Variants in KIAA1217 observed in about 807,000 individuals in gnomAD.
The protein encoded by KIAA1217 is sickle tail protein homolog.
A neutral mutation model predicts 163.9 loss-of-function variants in KIAA1217; 88 were observed. That is an observed-to-expected ratio of 0.54 (90% confidence interval 0.45 to 0.64). KIAA1217 has a LOEUF of 0.64. KIAA1217 is among the 30% of genes least tolerant of loss of function. The pLI is 0.00. For synonymous variants in KIAA1217, 903 were observed against 923.1 expected (o/e 0.98, Z 0.39); for missense variants, 2,372 against 2,475.0 (o/e 0.96, Z 0.88).
At chr10:24,066,608 A>T (rs567007376) in intron 2 of KIAA1217, among the ~76,000 whole-genome samples, 2 of 152,080 alleles carry the variant, frequency 1.3e-5, no homozygotes, top group African/African-American at 4.8e-5. Context: ...GGTGAATCTG[A>T]CAATTATGTG....
chr10:23,774,482 C>T (rs554032416), intron 1 of KIAA1217, among the ~76,000 whole-genome samples: 87 of 152,260 alleles, frequency 5.7e-4, no homozygotes, highest in African/African-American at 1.7e-3. Flanking sequence ...AGGGGCTTGG[C>T]GCCCTAGAAT....
At chr10:23,810,557 GTATATATAGTATAATCTATATATAA>G (rs1564441203) in intron 1 of KIAA1217, among the ~76,000 whole-genome samples, 3 of 127,424 alleles carry the variant, frequency 2.4e-5, no homozygotes, top group South Asian at 2.3e-4. Flanking sequence ...TCTATATATA[GTATATATAGTATAATCTATATATAA>G]TATATATAGT....
At chr10:23,968,374 A>C (rs1450406140) in intron 1 of KIAA1217, among the ~76,000 whole-genome samples, 3 of 152,186 alleles carry the variant, frequency 2.0e-5, no homozygotes, top group Non-Finnish European at 2.9e-5. Flanking sequence ...GTTATAGCTC[A>C]TTTCTTTTTC....
intron 1 of KIAA1217, among the ~76,000 whole-genome samples, chr10:23,793,950 GA>G (rs1836080750): frequency 6.6e-6 from 1 of 152,188 alleles, no homozygotes; most frequent in South Asian, 2.1e-4. Context: ...AAGGCATTTT[GA>G]CCATTAATGT....
At chr10:24,350,809 CGAGG>C (rs2048361332) in intron 2 of KIAA1217, among the ~76,000 whole-genome samples, 1 of 142,314 alleles carries the variant, frequency 7.0e-6, no homozygotes, top group Non-Finnish European at 1.5e-5. Flanking sequence ...ATACACAGTG[CGAGG>C]AAGTGGTGAG....
intron 2 of KIAA1217, among the ~76,000 whole-genome samples, chr10:24,274,643 A>G (rs2077090973): frequency 6.6e-6 from 1 of 152,140 alleles, no homozygotes; most frequent in Non-Finnish European, 1.5e-5. Flanking sequence ...TTATTAGTTA[A>G]TACTGAATTT....
intron 1 of KIAA1217, among the ~76,000 whole-genome samples, chr10:23,772,570 C>T (rs1834844578): frequency 6.6e-6 from 1 of 152,164 alleles, no homozygotes; most frequent in African/African-American, 2.4e-5. Flanking sequence ...ACTGTAATCA[C>T]TCACTCCCAG....
intron 1 of KIAA1217, among the ~76,000 whole-genome samples, chr10:23,775,554 C>G (rs535538221): frequency 4.9e-4 from 74 of 152,204 alleles, no homozygotes; most frequent in African/African-American, 1.7e-3. Context: ...TCCTCCGTCC[C>G]CAAGTCACAC....
intron 1 of KIAA1217, among the ~76,000 whole-genome samples, chr10:24,219,399 G>A (rs996025341): frequency 1.3e-5 from 2 of 152,148 alleles, no homozygotes; most frequent in African/African-American, 2.4e-5. Context: ...GGCAGGAGTC[G>A]CCATGCCCAA....
chr10:24,374,777 A>G lies in KIAA1217; in HGVS notation c.355-6092A>G, dbSNP rs147271758. On this transcript the variant is annotated intron_variant, in intron 2 of 20. Transcript: ENST00000376454. ...GCTAAGCCTTGCTGTTCTTTTTTTA[A>G]ATTTTGTATTCTTCTGTTATTTTTT... 2.8e-4 allele frequency among the ~76,000 whole-genome samples: 42 copies of G among 152,042 alleles called. 1 individual carries two copies. The East Asian group carries it at 7.6e-3, about 27-fold the overall frequency.
intron 2 of KIAA1217, among the ~76,000 whole-genome samples, chr10:24,304,326 G>A (rs2041754008): frequency 6.6e-6 from 1 of 150,576 alleles, no homozygotes; most frequent in Admixed American, 6.6e-5. Context: ...ATCTACTTGG[G>A]GCTTTATTTA....
intron 2 of KIAA1217, among the ~76,000 whole-genome samples, chr10:24,327,463 T>TC (rs1453830701): frequency 2.0e-5 from 3 of 152,286 alleles, no homozygotes; most frequent in African/African-American, 7.2e-5. Flanking sequence ...TATTAATGTC[T>TC]CTTCAATACT....
At chr10:24,010,970 A>T (rs1022884759) in intron 2 of KIAA1217, among the ~76,000 whole-genome samples, 1 of 152,180 alleles carries the variant, frequency 6.6e-6, no homozygotes, top group African/African-American at 2.4e-5. Context: ...TCCAACAGCT[A>T]TAAGTCCAAT....
At chr10:23,937,722 T>A (rs1205370690) in intron 1 of KIAA1217, among the ~76,000 whole-genome samples, 1 of 152,108 alleles carries the variant, frequency 6.6e-6, no homozygotes, top group Non-Finnish European at 1.5e-5. Flanking sequence ...CAGGCCAAAT[T>A]GGGATAACAG....
chr10:24,457,716 T>G (rs1315122772), intron 5 of KIAA1217, among the ~76,000 whole-genome samples: 1 of 152,160 alleles, frequency 6.6e-6, no homozygotes, highest in Non-Finnish European at 1.5e-5. Flanking sequence ...ATCATGAACT[T>G]TGAAAAGTGC....
chr10:23,857,145 C>A (rs1339825060), intron 1 of KIAA1217, among the ~76,000 whole-genome samples: 2 of 152,218 alleles, frequency 1.3e-5, no homozygotes. Context: ...TCCTATTCGG[C>A]CATCTTGGCG....
intron 10 of KIAA1217, among the ~76,000 whole-genome samples, chr10:24,517,187 A>G (rs2070325334): frequency 7.2e-6 from 1 of 138,872 alleles, no homozygotes; most frequent in South Asian, 2.3e-4. Context: ...AAAAAAAAAA[A>G]ACTAAAAATA....
intron 2 of KIAA1217, among the ~76,000 whole-genome samples, chr10:24,166,993 G>C (rs2065380771): frequency 6.6e-6 from 1 of 152,094 alleles, no homozygotes; most frequent in Non-Finnish European, 1.5e-5. Flanking sequence ...GCTTTGGAAA[G>C]GGATGGCAGC....
At chr10:23,998,156 A>T (rs1055180835) in intron 1 of KIAA1217, among the ~76,000 whole-genome samples, 6 of 151,206 alleles carry the variant, frequency 4.0e-5, no homozygotes, top group Admixed American at 4.0e-4. Flanking sequence ...GAAGAAAAAG[A>T]AAAAAAAAGA....
Sources: gnomAD v4.1 joint callset for allele counts (sites outside exome capture counted in the v4.1 genomes callset) on GRCh38, gnomAD v4.1.1 for gene constraint, MANE v1.5 for transcripts, NCBI Gene and HGNC (gene_info 2026-07-23, HGNC 2026-07-21) for gene names.